The following MAPRE1 variants were observed in gnomAD, a reference collection of about 807,000 sequenced individuals.
MAPRE1 encodes the protein microtubule associated protein RP/EB family member 1, also known as microtubule-associated protein RP/EB family member 1.
Under a neutral mutation model 32.1 loss-of-function variants are expected in MAPRE1, and 5 were observed. The ratio of observed to expected loss-of-function variants is 0.16; its 90% CI spans 0.08 to 0.33. MAPRE1 has a LOEUF of 0.33. Ranked by LOEUF, MAPRE1 falls within the 10% of genes least tolerant of loss-of-function variation. MAPRE1 has a pLI of 1.00. For synonymous variants in MAPRE1, 122 were observed against 118.9 expected, an observed-to-expected ratio of 1.03 and a Z score of -0.17; for missense variants, 209 against 327.2, an observed-to-expected ratio of 0.64 and a Z score of 2.79.
Position 32,848,650 on chromosome 20 carries a change from C to G in MAPRE1, c.751-22C>G, listed in dbSNP as rs199893131. ...AGAAATGGATCTTTCAGTGGCTTTCCCCTCTCATTTTCCTATTTCAGGAAG... is the reference window on the plus strand; with the variant it reads ...AGAAATGGATCTTTCAGTGGCTTTCGCCTCTCATTTTCCTATTTCAGGAAG... On this transcript the variant is annotated intron_variant, in intron 6 of 6. Coordinates refer to ENST00000375571, the MANE Select transcript of MAPRE1 (RefSeq NM_012325.3). 2.5e-6 allele frequency: 4 copies of G among 1,601,764 alleles called. No individual in the cohort carries two copies. The East Asian group carries it at 8.9e-5, about 36-fold the overall frequency.
chr20:32,836,295 A>G (rs1983199598), intron 3 of MAPRE1, among the ~76,000 whole-genome samples: 1 of 152,254 alleles, frequency 6.6e-6, no homozygotes, highest in African/African-American at 2.4e-5. Context: ...CATGCAAGTT[A>G]TATAGCGGAC....
intron 1 of MAPRE1, among the ~76,000 whole-genome samples, chr20:32,822,661 TGTAAG>T (rs1334612624): frequency 6.6e-6 from 1 of 152,214 alleles, no homozygotes; most frequent in Non-Finnish European, 1.5e-5. Flanking sequence ...GGCTTTAACT[TGTAAG>T]GGAACTGAGG....
At chr20:32,824,465 G>A (rs1426898604) in intron 1 of MAPRE1, among the ~76,000 whole-genome samples, 1 of 152,202 alleles carries the variant, frequency 6.6e-6, no homozygotes, top group Non-Finnish European at 1.5e-5. Context: ...TAAAATGAGG[G>A]ACATGAAGTG....
intron 4 of MAPRE1, among the ~76,000 whole-genome samples, chr20:32,838,265 T>G (rs1020172195): frequency 2.6e-5 from 4 of 152,122 alleles, no homozygotes; most frequent in Non-Finnish European, 4.4e-5. Flanking sequence ...GTGTCTGGCT[T>G]CTTTTGCTCA....
chr20:32,836,254 G>A (rs1352080798), intron 3 of MAPRE1, among the ~76,000 whole-genome samples: 1 of 152,246 alleles, frequency 6.6e-6, no homozygotes, highest in Non-Finnish European at 1.5e-5. Flanking sequence ...CCTGTGCAGT[G>A]GATTTCATGC....
intron 1 of MAPRE1, among the ~76,000 whole-genome samples, chr20:32,821,666 T>C (rs937307405): frequency 6.6e-6 from 1 of 152,242 alleles, no homozygotes; most frequent in Non-Finnish European, 1.5e-5. Flanking sequence ...GCAGGAAGAT[T>C]AAGTGACTTG....
At chr20:32,822,459 G>T (rs34128265) in intron 1 of MAPRE1, among the ~76,000 whole-genome samples, 3,960 of 152,312 alleles carry the variant, frequency 0.026, 72 homozygotes, top group Non-Finnish European at 0.04. Flanking sequence ...GACTGTTGCA[G>T]TGCATCTCCG....
chr20:32,824,524 T>C (rs1373520458), intron 1 of MAPRE1, among the ~76,000 whole-genome samples: 1 of 152,220 alleles, frequency 6.6e-6, no homozygotes, highest in Non-Finnish European at 1.5e-5. Context: ...CTGTGAAGTA[T>C]CTGGCACTTA....
At chr20:32,824,268 C>T (rs959896969) in intron 1 of MAPRE1, among the ~76,000 whole-genome samples, 5 of 152,232 alleles carry the variant, frequency 3.3e-5, no homozygotes, top group Non-Finnish European at 4.4e-5. Context: ...GAATGAGTGA[C>T]GGTTGACTAC....
chr20:32,827,951 A>C (rs1184393668), intron 2 of MAPRE1, among the ~76,000 whole-genome samples: 1 of 136,148 alleles, frequency 7.3e-6, no homozygotes. Context: ...TTTTTTTTTG[A>C]GTTCAGCTTC....
chr20:32,848,567 G>A, intron 6 of MAPRE1, 105 bp from the exon 7 acceptor site: 1 of 809,370 alleles, frequency 1.2e-6, no homozygotes, highest in East Asian at 2.6e-5. Context: ...CCTGTATAGA[G>A]CCAGGAAGAA....
Position 32,848,751 on chromosome 20 carries a change from A to T in MAPRE1, c.*23A>T. On this transcript the variant is annotated 3_prime_UTR_variant, in exon 7 of 7. Transcript: ENST00000375571. ...TAACAGCCTGGACCAGCAGAGCAAC[A>T]TCGGAATTCTTCACTCCAAATCATG... 6.2e-7 allele frequency: 1 copy of T among 1,601,314 alleles called. No homozygotes were observed. Among genetic ancestry groups the T allele is most frequent in the East Asian group, 2.2e-5 (1 of 44,528 alleles).
At chr20:32,841,855 A>G (rs1254647855) in intron 5 of MAPRE1, among the ~76,000 whole-genome samples, 2 of 152,030 alleles carry the variant, frequency 1.3e-5, no homozygotes, top group African/African-American at 2.4e-5. Context: ...AGCAGATTAT[A>G]TGAGCTGAAT....
At chr20:32,834,994 G>T (rs534665390) in intron 3 of MAPRE1, among the ~76,000 whole-genome samples, 9 of 152,230 alleles carry the variant, frequency 5.9e-5, no homozygotes, top group African/African-American at 1.9e-4. Context: ...AATTATATTT[G>T]TCAGAGGGGT....
rs58685497 is a variant in MAPRE1, at chr20:32,831,947, C to CAA, written c.122-1754_122-1753dup. Among the ~76,000 whole-genome samples, 292 of 111,604 alleles carry CAA rather than the reference C, an allele frequency of 2.6e-3. 1 individual carries two copies. Among genetic ancestry groups the CAA allele is most frequent in the Non-Finnish European group, 4.3e-3 (212 of 49,302 alleles). 73.2% of individuals were successfully genotyped at this position (111,604 alleles called of 152,430 possible). ...GTTTTTAAAAAAAGTTCGTCCGTTT[C>CAA]AAAAAAAAAAAAAAAAACAAAAGAA... is the stretch of plus-strand genomic sequence containing the variant. On this transcript the variant is annotated intron_variant, in intron 2 of 6. Coordinates refer to ENST00000375571, the MANE Select transcript of MAPRE1 (RefSeq NM_012325.3).
intron 3 of MAPRE1, among the ~76,000 whole-genome samples, chr20:32,835,364 GTTTTT>G (rs71190879): frequency 9.4e-6 from 1 of 106,656 alleles, no homozygotes; most frequent in African/African-American, 4.7e-5. Context: ...TTTTATTGGT[GTTTTT>G]TTTTTTTTTT....
At chr20:32,832,900 C>T (rs558652252) in intron 2 of MAPRE1, among the ~76,000 whole-genome samples, 11 of 141,398 alleles carry the variant, frequency 7.8e-5, no homozygotes, top group African/African-American at 1.6e-4. Flanking sequence ...GCCGAGATCA[C>T]GCCACTGCAC....
intron 1 of MAPRE1, among the ~76,000 whole-genome samples, chr20:32,824,114 T>C (rs1982776896): frequency 6.6e-6 from 1 of 152,184 alleles, no homozygotes; most frequent in South Asian, 2.1e-4. Flanking sequence ...TATGAAATGA[T>C]GTTTGTTGGT....
chr20:32,834,026 T>A (rs1473341342), intron 3 of MAPRE1, among the ~76,000 whole-genome samples, 164 bp downstream of exon 3: 1 of 152,218 alleles, frequency 6.6e-6, no homozygotes, highest in Non-Finnish European at 1.5e-5. Flanking sequence ...TGCCCCTACC[T>A]TCTTGCCCCT....
Sources: allele counts gnomAD v4.1 joint callset (sites outside exome capture counted in the v4.1 genomes callset), GRCh38; gene constraint gnomAD v4.1.1; transcripts MANE v1.5; gene names NCBI Gene and HGNC (gene_info 2026-07-23, HGNC 2026-07-21).